MACROD2: variants seen among roughly 807,000 people sequenced by gnomAD.
MACROD2 encodes the protein mono-ADP ribosylhydrolase 2.
A neutral mutation model predicts 70.4 loss-of-function variants in MACROD2; 36 were observed. The ratio of observed to expected loss-of-function variants is 0.51; its 90% CI spans 0.39 to 0.68. The LOEUF (loss-of-function observed/expected upper bound fraction) is 0.68, where lower values mean the gene tolerates loss of function less well. Ranked by LOEUF, MACROD2 falls within the 30% of genes least tolerant of loss-of-function variation. The pLI is 0.00. For missense variants in MACROD2, 496 were observed against 538.4 expected (o/e 0.92, Z 0.78); for synonymous variants, 172 against 178.8 (o/e 0.96, Z 0.30).
chr20:14,081,503 C>G (rs949038389), intron 2 of MACROD2, among the ~76,000 whole-genome samples: 10 of 152,146 alleles, frequency 6.6e-5, no homozygotes, highest in Non-Finnish European at 2.9e-5. Context: ...TTTCAGCTTG[C>G]AATTGTATAA....
chr20:15,010,979 A>T (rs1007669516), intron 5 of MACROD2, among the ~76,000 whole-genome samples: 1 of 152,200 alleles, frequency 6.6e-6, no homozygotes, highest in African/African-American at 2.4e-5. Context: ...TCCTCAAAGC[A>T]TGCTGAGGAC....
chr20:14,784,401 T>C (rs1182076454), intron 5 of MACROD2, among the ~76,000 whole-genome samples: 1 of 152,154 alleles, frequency 6.6e-6, no homozygotes, highest in African/African-American at 2.4e-5. Flanking sequence ...TTCTCTAAGA[T>C]ACTTCACACA....
chr20:14,359,524 C>T (rs1279584740), intron 3 of MACROD2, among the ~76,000 whole-genome samples: 5 of 152,190 alleles, frequency 3.3e-5, no homozygotes, highest in Non-Finnish European at 5.9e-5. Flanking sequence ...CTCCCATAGT[C>T]ATTGTTCATA....
intron 5 of MACROD2, among the ~76,000 whole-genome samples, chr20:15,177,857 A>G (rs1056404240): frequency 6.6e-6 from 1 of 152,174 alleles, no homozygotes; most frequent in Non-Finnish European, 1.5e-5. Flanking sequence ...ATTTAAGAGT[A>G]TAGAAATTAA....
At chr20:15,937,040 G>A (rs1314882485) in intron 11 of MACROD2, among the ~76,000 whole-genome samples, 1 of 152,140 alleles carries the variant, frequency 6.6e-6, no homozygotes, top group Non-Finnish European at 1.5e-5. Flanking sequence ...CAGTTTGACA[G>A]CCTGGCATAA....
chr20:15,599,006 A>G (rs1183210469), intron 8 of MACROD2, among the ~76,000 whole-genome samples: 3 of 152,156 alleles, frequency 2.0e-5, no homozygotes, highest in Non-Finnish European at 4.4e-5. Flanking sequence ...TGCTGGAGCC[A>G]TCAATATCTG....
chr20:14,377,782 C>T (rs777375488), intron 3 of MACROD2, among the ~76,000 whole-genome samples: 13 of 152,174 alleles, frequency 8.5e-5, no homozygotes, highest in Non-Finnish European at 1.9e-4. Flanking sequence ...ATGAGTATAA[C>T]TTTATGTTGT....
intron 3 of MACROD2, among the ~76,000 whole-genome samples, chr20:14,232,711 A>G (rs1294329946): frequency 1.3e-5 from 2 of 152,246 alleles, no homozygotes; most frequent in East Asian, 1.9e-4. Flanking sequence ...AGATTGCTCA[A>G]ATTTTCTCCA....
At chr20:15,840,447 G>A (rs761222999) in intron 8 of MACROD2, among the ~76,000 whole-genome samples, 2 of 152,044 alleles carry the variant, frequency 1.3e-5, no homozygotes, top group African/African-American at 2.4e-5. Context: ...AAACCAAAAA[G>A]CATCCTCCTT....
Position 15,883,967 on chromosome 20 carries a change from A to T in MACROD2, c.728-1797A>T, listed in dbSNP as rs559470005. Among the ~76,000 whole-genome samples, 9 of 152,246 alleles carry T rather than the reference A, an allele frequency of 5.9e-5. No individual in the cohort carries two copies. The South Asian group carries it at 1.9e-3, about 32-fold the overall frequency. On this transcript the variant is annotated intron_variant, in intron 9 of 17. Coordinates refer to ENST00000684519, the MANE Select transcript of MACROD2 (RefSeq NM_001351661.2). The stretch of plus-strand genomic sequence containing the variant: ...AATAACAGCTAATATTTAGCACTTA[A>T]CAATGTTTCAGTAGCTGTCCTAGTG...
chr20:15,372,049 G>C (rs73107027), intron 6 of MACROD2, among the ~76,000 whole-genome samples: 6,649 of 152,200 alleles, frequency 0.044, 180 homozygotes, highest in Middle Eastern at 0.11. Context: ...GTGTGAACAC[G>C]TATAGTTTCT....
At chr20:14,107,550 G>C (rs1050509631) in intron 3 of MACROD2, among the ~76,000 whole-genome samples, 1 of 151,870 alleles carries the variant, frequency 6.6e-6, no homozygotes, top group Non-Finnish European at 1.5e-5. Context: ...GTACAACAAG[G>C]CAGATATAAC....
intron 3 of MACROD2, among the ~76,000 whole-genome samples, chr20:14,448,483 C>G (rs1427491158): frequency 6.6e-6 from 1 of 151,860 alleles, no homozygotes; most frequent in Admixed American, 6.6e-5. Context: ...TCAAGACCAT[C>G]TTGGCCAACA....
At chr20:14,729,485 C>T (rs967672527) in intron 5 of MACROD2, among the ~76,000 whole-genome samples, 1 of 152,056 alleles carries the variant, frequency 6.6e-6, no homozygotes, top group East Asian at 1.9e-4. Context: ...TCTGAATACA[C>T]AAGGGAACAT....
At chr20:14,041,863 C>A (rs1413186517) in intron 2 of MACROD2, among the ~76,000 whole-genome samples, 1 of 152,054 alleles carries the variant, frequency 6.6e-6, no homozygotes, top group African/African-American at 2.4e-5. Context: ...AGTCTGCTCA[C>A]AAAATCCAAT....
At chr20:14,853,179 G>A (rs1600726145) in intron 5 of MACROD2, among the ~76,000 whole-genome samples, 1 of 151,344 alleles carries the variant, frequency 6.6e-6, no homozygotes, top group African/African-American at 2.4e-5. Context: ...GTGTCTGTGT[G>A]TGTGTGTGTG....
intron 5 of MACROD2, among the ~76,000 whole-genome samples, chr20:15,141,734 G>C (rs1180649651): frequency 6.6e-6 from 1 of 151,998 alleles, no homozygotes; most frequent in Non-Finnish European, 1.5e-5. Flanking sequence ...CTGCCAGAAG[G>C]ATTTTCTTAA....
At chr20:14,457,555 C>T (rs1247381186) in intron 3 of MACROD2, among the ~76,000 whole-genome samples, 3 of 152,090 alleles carry the variant, frequency 2.0e-5, no homozygotes. Context: ...TACAAAAATT[C>T]ACATGTGTAC....
chr20:15,157,015 A>G (rs886328472), intron 5 of MACROD2, among the ~76,000 whole-genome samples: 2 of 152,186 alleles, frequency 1.3e-5, no homozygotes, highest in Non-Finnish European at 2.9e-5. Context: ...ATATGTTACA[A>G]TTTCCTAGTC....
Sources: allele counts gnomAD v4.1 joint callset (sites outside exome capture counted in the v4.1 genomes callset), GRCh38; gene constraint gnomAD v4.1.1; transcripts MANE v1.5; gene names NCBI Gene and HGNC (gene_info 2026-07-23, HGNC 2026-07-21).